Variants in FOXN3 observed in about 807,000 individuals in gnomAD.
FOXN3 encodes the protein forkhead box N3.
Under a neutral mutation model 38.4 loss-of-function variants are expected in FOXN3, and 7 were observed. The ratio of observed to expected loss-of-function variants is 0.18; its 90% CI spans 0.10 to 0.34. FOXN3 has a LOEUF of 0.34. FOXN3 is among the 10% of genes least tolerant of loss of function. FOXN3 has a pLI of 1.00. For missense variants in FOXN3, 456 were observed against 613.4 expected, an observed-to-expected ratio of 0.74 and a Z score of 2.71; for synonymous variants, 230 against 242.2, an observed-to-expected ratio of 0.95 and a Z score of 0.47.
At chr14:89,499,828 G>T (rs186051452) in intron 1 of FOXN3, among the ~76,000 whole-genome samples, 2 of 152,256 alleles carry the variant, frequency 1.3e-5, no homozygotes, top group Non-Finnish European at 1.5e-5. Flanking sequence ...GATTGTACAG[G>T]ACTCTCCCAG....
chr14:89,452,570 G>T (rs895905749), intron 1 of FOXN3, among the ~76,000 whole-genome samples: 1 of 152,180 alleles, frequency 6.6e-6, no homozygotes, highest in African/African-American at 2.4e-5. Context: ...GTTTTGATGG[G>T]AGCTCAGCTT....
At chr14:89,448,220 C>G (rs1566659796) in intron 1 of FOXN3, among the ~76,000 whole-genome samples, 1 of 152,154 alleles carries the variant, frequency 6.6e-6, no homozygotes, top group Non-Finnish European at 1.5e-5. Context: ...ATAAAATCAG[C>G]TAAATAAATT....
chr14:89,204,043 A>G (rs1888307040), intron 4 of FOXN3, among the ~76,000 whole-genome samples: 1 of 142,984 alleles, frequency 7.0e-6, no homozygotes, highest in Non-Finnish European at 1.5e-5. Flanking sequence ...ATAACCAGGC[A>G]TACTCCCTTA....
intron 1 of FOXN3, among the ~76,000 whole-genome samples, chr14:89,532,609 T>C (rs1323158044): frequency 6.6e-6 from 1 of 152,214 alleles, no homozygotes; most frequent in East Asian, 1.9e-4. Flanking sequence ...CAGCCACTGA[T>C]TTACTGTGGC....
At chr14:89,262,914 A>C (rs1356599728) in intron 4 of FOXN3, among the ~76,000 whole-genome samples, 1 of 152,222 alleles carries the variant, frequency 6.6e-6, no homozygotes, top group African/African-American at 2.4e-5. Flanking sequence ...GCAGAGAAAG[A>C]GGATTCTTTT....
At chr14:89,266,508 A>G (rs891661752) in intron 4 of FOXN3, among the ~76,000 whole-genome samples, 5 of 152,088 alleles carry the variant, frequency 3.3e-5, no homozygotes, top group Non-Finnish European at 5.9e-5. Flanking sequence ...TGGAGATGCA[A>G]TTCAGTCCAT....
chr14:89,432,413 G>A (rs181520325), intron 1 of FOXN3, among the ~76,000 whole-genome samples: 1 of 152,174 alleles, frequency 6.6e-6, no homozygotes, highest in African/African-American at 2.4e-5. Context: ...CCCAATGACT[G>A]CGATCCAAAG....
chr14:89,541,226 T>G (rs1894785811), intron 1 of FOXN3, among the ~76,000 whole-genome samples: 3 of 152,164 alleles, frequency 2.0e-5, no homozygotes, highest in African/African-American at 7.2e-5. Flanking sequence ...AAGAGGTGTT[T>G]GAACCACATC....
chr14:89,406,328 G>A (rs530160521), intron 2 of FOXN3, among the ~76,000 whole-genome samples: 2 of 152,270 alleles, frequency 1.3e-5, no homozygotes, highest in South Asian at 4.1e-4. Flanking sequence ...GCTGAGTCAG[G>A]AGGATCACTT....
chr14:89,227,850 AAG>A (rs1274912491), intron 4 of FOXN3, among the ~76,000 whole-genome samples: 1 of 152,204 alleles, frequency 6.6e-6, no homozygotes, highest in Non-Finnish European at 1.5e-5. Context: ...CACCAAAAAC[AAG>A]GGACCTCGGT....
At chr14:89,555,301 T>C (rs897503838) in intron 1 of FOXN3, among the ~76,000 whole-genome samples, 11 of 152,344 alleles carry the variant, frequency 7.2e-5, no homozygotes, top group African/African-American at 2.6e-4. Flanking sequence ...CAGTTGCAAT[T>C]AATATGATCA....
intron 4 of FOXN3, among the ~76,000 whole-genome samples, chr14:89,241,934 G>A (rs1033097658): frequency 1.3e-5 from 2 of 152,150 alleles, no homozygotes; most frequent in African/African-American, 4.8e-5. Context: ...TGGCTACCAC[G>A]TTTTTTCTCC....
intron 4 of FOXN3, among the ~76,000 whole-genome samples, chr14:89,270,363 G>T (rs909847543): frequency 6.6e-6 from 1 of 152,230 alleles, no homozygotes; most frequent in Admixed American, 6.5e-5. Context: ...GAACATCTTA[G>T]GAAATTGCAA....
chr14:89,180,894 A>AAG (rs199793978), intron 4 of FOXN3, 88 bp from the exon 5 acceptor site: 19,093 of 613,840 alleles, frequency 0.031, 623 homozygotes, highest in African/African-American at 0.21. Context: ...ATAGACCAAT[A>AAG]AGAGAGAGAG....
intron 1 of FOXN3, among the ~76,000 whole-genome samples, chr14:89,555,881 G>GTGTGTGTGTGT (rs374731979): frequency 8.7e-6 from 1 of 115,464 alleles, no homozygotes; most frequent in Non-Finnish European, 2.0e-5. Flanking sequence ...GTGTGTATGT[G>GTGTGTGTGTGT]GGGGTGTATG....
intron 4 of FOXN3, chr14:89,230,999 C>A (rs967527571): frequency 8.0e-6 from 3 of 373,218 alleles, no homozygotes; most frequent in Admixed American, 3.0e-5. Flanking sequence ...GCGGGAACAT[C>A]AGGACTTGAG....
At chr14:89,541,078 T>G (rs1259610389) in intron 1 of FOXN3, among the ~76,000 whole-genome samples, 1 of 152,196 alleles carries the variant, frequency 6.6e-6, no homozygotes, top group Non-Finnish European at 1.5e-5. Context: ...ATTTGTACAT[T>G]GTGTCATTGG....
intron 1 of FOXN3, chr14:89,577,289 A>G (rs904950590): frequency 3.3e-5 from 5 of 152,222 alleles, no homozygotes; most frequent in African/African-American, 7.2e-5. Flanking sequence ...CCTTTTTCAT[A>G]CACTGATCTC....
chr14:89,209,281 T>G (rs1244612694), intron 4 of FOXN3, among the ~76,000 whole-genome samples: 1 of 152,244 alleles, frequency 6.6e-6, no homozygotes, highest in African/African-American at 2.4e-5. Context: ...TTCCTTTACG[T>G]ATTAGGAGCT....
Sources: gnomAD v4.1 joint callset for allele counts (sites outside exome capture counted in the v4.1 genomes callset) on GRCh38, gnomAD v4.1.1 for gene constraint, MANE v1.5 for transcripts, NCBI Gene and HGNC (gene_info 2026-07-23, HGNC 2026-07-21) for gene names.